Variants in ATRNL1 observed in about 807,000 individuals in gnomAD.
The protein encoded by ATRNL1 is attractin-like protein 1.
Under a neutral mutation model 182.7 loss-of-function variants are expected in ATRNL1, and 95 were observed. The observed-to-expected ratio is 0.52, with a 90% CI of 0.44 to 0.62. The LOEUF is 0.62. Ranked by LOEUF, ATRNL1 falls within the 20% of genes least tolerant of loss-of-function variation. The pLI is 0.00. For missense variants in ATRNL1, 1,471 were observed against 1,679.5 expected (o/e 0.88, Z 2.17); for synonymous variants, 576 against 568.3 (o/e 1.01, Z -0.19).
intron 5 of ATRNL1, among the ~76,000 whole-genome samples, chr10:115,159,344 G>A (rs1846669383): frequency 6.6e-6 from 1 of 151,336 alleles, no homozygotes; most frequent in African/African-American, 2.4e-5. Flanking sequence ...AACACTGATG[G>A]GGAAACCAAG....
Position 115,431,761 on chromosome 10 carries a change from T to C in ATRNL1, c.3322+5459T>C, listed in dbSNP as rs910481199. Among the ~76,000 whole-genome samples the C allele has an allele frequency of 2.6e-5, 4 of 152,304 alleles. No individual in the cohort carries two copies. The East Asian group carries it at 7.7e-4, about 29-fold the overall frequency. On this transcript the variant is annotated intron_variant, in intron 21 of 28. Transcript: ENST00000355044. ...TCCAATTACTGTGTCATTTAAATTA[T>C]CTTTATTCTCTAGCTTTTCCACATC...
rs532547138 is a variant in ATRNL1 at position 115,897,775 on chromosome 10, C to T, written c.4019-46883C>T. On this transcript the variant is annotated intron_variant, in intron 28 of 28. Transcript: ENST00000355044. ...CTAAAATGTAAAAGAAAACACAGTG[C>T]GGATCATAACCAACACTTTCGCCAA... Among the ~76,000 whole-genome samples the T allele has an allele frequency of 1.6e-3, 241 of 152,242 alleles. 1 individual carries two copies. Among genetic ancestry groups the T allele is most frequent in the African/African-American group, 5.6e-3 (231 of 41,536 alleles).
intron 26 of ATRNL1, among the ~76,000 whole-genome samples, chr10:115,580,742 G>T (rs1318761289): frequency 6.6e-6 from 1 of 150,748 alleles, no homozygotes; most frequent in Non-Finnish European, 1.5e-5. Flanking sequence ...TTACCCATAA[G>T]TCCCATAAAG....
intron 2 of ATRNL1, among the ~76,000 whole-genome samples, chr10:115,121,396 C>G (rs1327713700): frequency 6.6e-6 from 1 of 152,176 alleles, no homozygotes; most frequent in African/African-American, 2.4e-5. Flanking sequence ...AGGCGAGAGC[C>G]ACTGCACCTG....
At chr10:115,809,275 C>G (rs1555086367) in intron 27 of ATRNL1, among the ~76,000 whole-genome samples, 1 of 151,306 alleles carries the variant, frequency 6.6e-6, no homozygotes, top group Non-Finnish European at 1.5e-5. Context: ...CCAATTTGTA[C>G]TTCTTTTCCA....
chr10:115,880,613 G>A (rs751252359), intron 28 of ATRNL1, among the ~76,000 whole-genome samples: 3 of 152,152 alleles, frequency 2.0e-5, no homozygotes, highest in Non-Finnish European at 4.4e-5. Flanking sequence ...AACAGAGTGA[G>A]ACTCCATCTC....
intron 28 of ATRNL1, among the ~76,000 whole-genome samples, chr10:115,869,778 C>G (rs1435115507): frequency 6.6e-6 from 1 of 151,558 alleles, no homozygotes; most frequent in Non-Finnish European, 1.5e-5. Flanking sequence ...TTTACATAAG[C>G]GGCATCATTT....
At chr10:115,158,404 T>G (rs1846622268) in intron 5 of ATRNL1, among the ~76,000 whole-genome samples, 1 of 152,022 alleles carries the variant, frequency 6.6e-6, no homozygotes, top group African/African-American at 2.4e-5. Context: ...TGTGTTTTAA[T>G]AAAACTATTA....
At chr10:115,749,788 TA>T (rs1441770581) in intron 27 of ATRNL1, among the ~76,000 whole-genome samples, 2 of 151,736 alleles carry the variant, frequency 1.3e-5, no homozygotes, top group South Asian at 2.1e-4. Flanking sequence ...ATCTCTAACA[TA>T]AAAAAAATTA....
intron 26 of ATRNL1, among the ~76,000 whole-genome samples, chr10:115,703,485 ACTT>A (rs1555052218): frequency 1.3e-5 from 2 of 151,902 alleles, no homozygotes; most frequent in African/African-American, 4.8e-5. Flanking sequence ...TACCAAAACT[ACTT>A]ATGACAGTGG....
intron 20 of ATRNL1, among the ~76,000 whole-genome samples, chr10:115,406,110 A>G (rs1844817296): frequency 1.3e-5 from 2 of 151,998 alleles, no homozygotes; most frequent in Non-Finnish European, 2.9e-5. Context: ...CATTTGGGTT[A>G]GTTCCAAGTC....
At chr10:115,835,399 T>C (rs1555095090) in intron 27 of ATRNL1, among the ~76,000 whole-genome samples, 1 of 152,162 alleles carries the variant, frequency 6.6e-6, no homozygotes, top group Non-Finnish European at 1.5e-5. Context: ...GCCATGGAGT[T>C]AGCACCAAGA....
chr10:115,124,747 A>G (rs1005830133), intron 3 of ATRNL1, among the ~76,000 whole-genome samples: 2 of 152,174 alleles, frequency 1.3e-5, no homozygotes, highest in Admixed American at 6.5e-5. Context: ...ATAAATTTTC[A>G]GGGCTCACCA....
At chr10:115,729,339 A>ATTTCATTC (rs139943333) in intron 27 of ATRNL1, among the ~76,000 whole-genome samples, 35,195 of 151,648 alleles carry the variant, frequency 0.23, 4,163 homozygotes, top group African/African-American at 0.28. Flanking sequence ...GATATTCCTT[A>ATTTCATTC]TTTCATTTGC....
chr10:115,638,787 G>T (rs1555029195), intron 26 of ATRNL1, among the ~76,000 whole-genome samples: 1 of 152,152 alleles, frequency 6.6e-6, no homozygotes, highest in African/African-American at 2.4e-5. Context: ...TGCTGGATTA[G>T]CCAGTAGTAA....
chr10:115,682,171 A>G (rs1394795902), intron 26 of ATRNL1, among the ~76,000 whole-genome samples: 1 of 152,116 alleles, frequency 6.6e-6, no homozygotes, highest in African/African-American at 2.4e-5. Context: ...CCCTAGCTCC[A>G]CAACTTACTG....
At chr10:115,285,130 G>A (rs557491267) in intron 14 of ATRNL1, among the ~76,000 whole-genome samples, 4 of 152,248 alleles carry the variant, frequency 2.6e-5, no homozygotes, top group South Asian at 4.1e-4. Flanking sequence ...CCATAGTGGG[G>A]CAAGACATCT....
At chr10:115,282,239 ATTTCT>A (rs1427287317) in intron 14 of ATRNL1, among the ~76,000 whole-genome samples, 1 of 147,526 alleles carries the variant, frequency 6.8e-6, no homozygotes, top group African/African-American at 2.5e-5. Context: ...TAATAAATAC[ATTTCT>A]TTTTTTATTT....
intron 26 of ATRNL1, among the ~76,000 whole-genome samples, chr10:115,579,147 G>A (rs1854911596): frequency 6.6e-6 from 1 of 151,672 alleles, no homozygotes; most frequent in Non-Finnish European, 1.5e-5. Flanking sequence ...ACTATTACAT[G>A]TGCACTTAAG....
Sources: gnomAD v4.1 joint callset for allele counts (sites outside exome capture counted in the v4.1 genomes callset) on GRCh38, gnomAD v4.1.1 for gene constraint, MANE v1.5 for transcripts, NCBI Gene and HGNC (gene_info 2026-07-23, HGNC 2026-07-21) for gene names.